The following RIMS2 variants were observed in gnomAD, a reference collection of about 807,000 sequenced individuals.
RIMS2 encodes regulating synaptic membrane exocytosis protein 2.
RIMS2 carries 59 observed loss-of-function variants against 174.4 expected under a neutral mutation model. That is an observed-to-expected ratio of 0.34 (90% confidence interval 0.27 to 0.42). The LOEUF is 0.42. Ranked by LOEUF, RIMS2 falls within the 10% of genes least tolerant of loss-of-function variation. The pLI, the probability that RIMS2 is intolerant of heterozygous loss-of-function variation, is 1.00. For missense variants in RIMS2, 1,620 were observed against 1,666.3 expected (o/e 0.97, Z 0.48); for synonymous variants, 606 against 572.5 (o/e 1.06, Z -0.84).
chr8:104,007,830 G>T (rs559001760), intron 17 of RIMS2, among the ~76,000 whole-genome samples: 1 of 152,112 alleles, frequency 6.6e-6, no homozygotes, highest in Non-Finnish European at 1.5e-5. Flanking sequence ...GTTAGTTGGG[G>T]TGTTGGGGAG....
chr8:103,790,872 T>C (rs2154443002), intron 3 of RIMS2, among the ~76,000 whole-genome samples: 1 of 152,224 alleles, frequency 6.6e-6, no homozygotes, highest in African/African-American at 2.4e-5. Context: ...TATTAAAGTA[T>C]GGTGTTAGGT....
chr8:103,918,899 A>T (rs1462931183), intron 9 of RIMS2, among the ~76,000 whole-genome samples: 1 of 152,142 alleles, frequency 6.6e-6, no homozygotes, highest in Non-Finnish European at 1.5e-5. Context: ...TTGTAACCTC[A>T]TCCTCATTAA....
At chr8:103,886,069 A>T in exon 4 of RIMS2, 1 of 1,613,140 alleles carries the variant, frequency 6.2e-7, no homozygotes, top group East Asian at 2.2e-5. Context: ...AGTCAGAGTC[A>T]GTGAGACCTC....
intron 1 of RIMS2, among the ~76,000 whole-genome samples, chr8:103,574,714 C>T (rs1341768515): frequency 6.6e-6 from 1 of 152,112 alleles, no homozygotes; most frequent in Non-Finnish European, 1.5e-5. Flanking sequence ...TTTTCATGAA[C>T]TTTAGTAATT....
At chr8:104,181,911 A>G (rs2098942389) in intron 19 of RIMS2, among the ~76,000 whole-genome samples, 1 of 151,730 alleles carries the variant, frequency 6.6e-6, no homozygotes, top group Non-Finnish European at 1.5e-5. Context: ...TTACAAATTA[A>G]AGTTACTACT....
chr8:103,654,779 A>G (rs1407331470), intron 1 of RIMS2, among the ~76,000 whole-genome samples: 2 of 151,984 alleles, frequency 1.3e-5, no homozygotes, highest in African/African-American at 2.4e-5. Flanking sequence ...TTATTCATCC[A>G]TAAAATTATT....
intron 2 of RIMS2, among the ~76,000 whole-genome samples, chr8:103,734,411 T>C (rs4333556): frequency 0.35 from 52,280 of 149,032 alleles, 9,612 homozygotes; most frequent in Non-Finnish European, 0.38. Context: ...ATTTTATCCA[T>C]ATTTTTGGGG....
At chr8:104,027,555 TAA>T (rs1400659892) in intron 19 of RIMS2, among the ~76,000 whole-genome samples, 1 of 152,174 alleles carries the variant, frequency 6.6e-6, no homozygotes, top group Non-Finnish European at 1.5e-5. Flanking sequence ...GAAAGTAACT[TAA>T]TCTTAGGAAG....
chr8:104,078,297 A>C (rs1218801678), intron 19 of RIMS2, among the ~76,000 whole-genome samples: 3 of 152,060 alleles, frequency 2.0e-5, no homozygotes, highest in Admixed American at 6.5e-5. Flanking sequence ...ATATTAGTTG[A>C]TTAGGGCTGC....
At chr8:104,034,462 C>CTTTT (rs200907072) in intron 19 of RIMS2, among the ~76,000 whole-genome samples, 3 of 118,346 alleles carry the variant, frequency 2.5e-5, no homozygotes, top group South Asian at 2.6e-4. Flanking sequence ...CTTGCAGTAT[C>CTTTT]TTTTTTTTTT....
At chr8:103,878,495 A>G (rs2099152203) in intron 3 of RIMS2, among the ~76,000 whole-genome samples, 1 of 151,756 alleles carries the variant, frequency 6.6e-6, no homozygotes, top group Non-Finnish European at 1.5e-5. Context: ...GGATTTTTGC[A>G]TCTCAGTTCA....
chr8:104,028,032 C>A (rs2096293074), intron 19 of RIMS2, among the ~76,000 whole-genome samples: 2 of 151,926 alleles, frequency 1.3e-5, no homozygotes, highest in South Asian at 4.1e-4. Flanking sequence ...CTGGGCTCAA[C>A]TGATTCTCAC....
chr8:103,575,559 G>C (rs2093155103), intron 1 of RIMS2, among the ~76,000 whole-genome samples: 1 of 151,300 alleles, frequency 6.6e-6, no homozygotes, highest in Non-Finnish European at 1.5e-5. Flanking sequence ...CACAAATACT[G>C]GTTTCAAAGG....
chr8:103,918,555 T>A, intron 9 of RIMS2, 68 bp downstream of exon 12: 2 of 1,038,394 alleles, frequency 1.9e-6, no homozygotes, highest in Non-Finnish European at 3.0e-6. Flanking sequence ...AGATGAAGTA[T>A]TTAACTAGTA....
intron 17 of RIMS2, among the ~76,000 whole-genome samples, chr8:103,996,949 G>T (rs929728710): frequency 6.6e-6 from 1 of 151,836 alleles, no homozygotes; most frequent in Middle Eastern, 3.4e-3. Flanking sequence ...AAAAAGGAGA[G>T]AGTATTAAAA....
At chr8:103,651,540 C>G (rs572922507) in intron 1 of RIMS2, among the ~76,000 whole-genome samples, 2 of 152,264 alleles carry the variant, frequency 1.3e-5, no homozygotes, top group South Asian at 4.1e-4. Context: ...TTATTGAACT[C>G]AGCAGAACTA....
intron 19 of RIMS2, among the ~76,000 whole-genome samples, chr8:104,049,104 A>G (rs1378187333): frequency 6.6e-6 from 1 of 150,416 alleles, no homozygotes. Flanking sequence ...GAAACAAGAC[A>G]AATTACTTCT....
chr8:103,905,314 G>C (rs907926001), intron 4 of RIMS2, among the ~76,000 whole-genome samples: 1 of 151,880 alleles, frequency 6.6e-6, no homozygotes, highest in Admixed American at 6.6e-5. Context: ...TCTTTTGCCT[G>C]AGAATGTATT....
intron 4 of RIMS2, among the ~76,000 whole-genome samples, chr8:103,902,531 C>T (rs2073374465): frequency 6.6e-6 from 1 of 152,122 alleles, no homozygotes. Context: ...GTTTGCAAAC[C>T]ATTGCCTTAC....
Sources: allele counts gnomAD v4.1 joint callset (sites outside exome capture counted in the v4.1 genomes callset), GRCh38; gene constraint gnomAD v4.1.1; transcripts MANE v1.5; gene names NCBI Gene and HGNC (gene_info 2026-07-23, HGNC 2026-07-21).